The following DDR2 variants were observed in gnomAD, a reference collection of about 807,000 sequenced individuals.
DDR2 encodes discoidin domain receptor tyrosine kinase 2.
Under a neutral mutation model 94.9 loss-of-function variants are expected in DDR2, and 27 were observed. The ratio of observed to expected loss-of-function variants is 0.28; its 90% CI spans 0.21 to 0.39. The LOEUF (loss-of-function observed/expected upper bound fraction) is 0.39. Ranked by LOEUF, DDR2 falls within the 10% of genes least tolerant of loss-of-function variation. DDR2 has a pLI of 1.00. For missense variants in DDR2, 783 were observed against 1,076.0 expected, an observed-to-expected ratio of 0.73 and a Z score of 3.81; for synonymous variants, 382 against 377.2, an observed-to-expected ratio of 1.01 and a Z score of -0.15.
intron 12 of DDR2, 27 bp from the exon 13 acceptor site, chr1:162,771,997 G>A (rs367806620): frequency 2.0e-5 from 32 of 1,573,704 alleles, no homozygotes; most frequent in Non-Finnish European, 2.7e-5. Flanking sequence ...TCCACGGAAT[G>A]AGGGCTCGTT....
chr1:162,715,327 A>G (rs1473210635), intron 2 of DDR2, among the ~76,000 whole-genome samples: 1 of 152,202 alleles, frequency 6.6e-6, no homozygotes, highest in Non-Finnish European at 1.5e-5. Context: ...GATCATTTCT[A>G]TATAGAAACA....
At chr1:162,660,449 T>C (rs1193510785) in intron 2 of DDR2, among the ~76,000 whole-genome samples, 3 of 152,156 alleles carry the variant, frequency 2.0e-5, no homozygotes, top group South Asian at 2.1e-4. Flanking sequence ...AGTGAGAGCA[T>C]TGGCATCATC....
chr1:162,755,884 T>C (rs1023147239), intron 7 of DDR2, 115 bp downstream of exon 7: 17 of 909,272 alleles, frequency 1.9e-5, no homozygotes, highest in Non-Finnish European at 2.8e-5. Flanking sequence ...TTAGTTCTTG[T>C]ACAAGGCATT....
intron 2 of DDR2, among the ~76,000 whole-genome samples, chr1:162,693,775 G>T (rs1465336581): frequency 2.6e-5 from 4 of 152,160 alleles, no homozygotes; most frequent in Non-Finnish European, 5.9e-5. Flanking sequence ...GAGGCTGACA[G>T]GTATGTGAAG....
intron 2 of DDR2, among the ~76,000 whole-genome samples, chr1:162,698,897 G>A (rs952067351): frequency 1.3e-5 from 2 of 152,146 alleles, no homozygotes; most frequent in African/African-American, 2.4e-5. Flanking sequence ...AGTCCTTGGG[G>A]TTTTTGAAGA....
chr1:162,686,060 A>T (rs931419584), intron 2 of DDR2, among the ~76,000 whole-genome samples: 6 of 152,074 alleles, frequency 3.9e-5, no homozygotes, highest in African/African-American at 1.4e-4. Flanking sequence ...TAGGTTCTGA[A>T]TAGATATTTA....
At chr1:162,702,344 C>T (rs16843658) in intron 2 of DDR2, among the ~76,000 whole-genome samples, 4,646 of 152,186 alleles carry the variant, frequency 0.031, 122 homozygotes, top group East Asian at 0.15. Context: ...CCATCTTATA[C>T]TGACTATGCA....
At chr1:162,680,100 G>A (rs796934131) in intron 2 of DDR2, among the ~76,000 whole-genome samples, 1 of 152,170 alleles carries the variant, frequency 6.6e-6, no homozygotes, top group African/African-American at 2.4e-5. Flanking sequence ...GTTATTTACT[G>A]TTAATAGTAT....
At chr1:162,652,965 G>A (rs1657775393) in intron 1 of DDR2, among the ~76,000 whole-genome samples, 1 of 152,104 alleles carries the variant, frequency 6.6e-6, no homozygotes, top group Admixed American at 6.5e-5. Context: ...AGTTAGCTGG[G>A]CGTGGTGGCA....
chr1:162,694,674 A>G (rs142384247), intron 2 of DDR2, among the ~76,000 whole-genome samples: 20 of 152,192 alleles, frequency 1.3e-4, no homozygotes, highest in African/African-American at 4.6e-4. Flanking sequence ...AAAGTTTCTG[A>G]TGTTTAGAAA....
intron 2 of DDR2, among the ~76,000 whole-genome samples, chr1:162,671,625 G>C (rs1658847342): frequency 6.6e-6 from 1 of 152,034 alleles, no homozygotes; most frequent in Admixed American, 6.6e-5. Context: ...GCTGCCCCTG[G>C]CTTTGGTTCT....
chr1:162,763,114 G>A (rs1379171457), intron 9 of DDR2, among the ~76,000 whole-genome samples: 1 of 151,892 alleles, frequency 6.6e-6, no homozygotes, highest in Non-Finnish European at 1.5e-5. Flanking sequence ...TGGGATTACA[G>A]GCATGAGCCA....
At chr1:162,768,822 GA>G (rs1156721118) in intron 11 of DDR2, among the ~76,000 whole-genome samples, 1 of 152,208 alleles carries the variant, frequency 6.6e-6, no homozygotes, top group Non-Finnish European at 1.5e-5. Flanking sequence ...ACAGAAGACT[GA>G]AATACAGAAT....
At chr1:162,757,285 A>G (rs1018086034) in intron 7 of DDR2, among the ~76,000 whole-genome samples, 1 of 152,244 alleles carries the variant, frequency 6.6e-6, no homozygotes, top group Non-Finnish European at 1.5e-5. Context: ...TGACTGAAGG[A>G]CCAGTAAAGA....
Position 162,770,419 on chromosome 1 carries a change from T to G in DDR2, c.1411T>G (p.Tyr471Asp), listed in dbSNP as rs2102181193. 6.2e-7 allele frequency: 1 copy of G among 1,614,052 alleles called. No individual in the cohort carries two copies. ...TAGTGAACAAGGGTCCAACTCGACT[T>G]ACGATCGCATCTTTCCCCTTCGCCC... ...SPSEQGSNST[Y>D]DRIFPLRPDY... The change falls in exon 12 of 18, where the codon TAC becomes GAC. Residue 471 changes from tyrosine to aspartate, a missense_variant. Transcript: ENST00000367921.
chr1:162,647,836 G>A (rs551763728), intron 1 of DDR2, among the ~76,000 whole-genome samples: 2 of 152,278 alleles, frequency 1.3e-5, no homozygotes, highest in South Asian at 4.1e-4. Context: ...GATTTGGTAG[G>A]TTTCTTTACT....
chr1:162,718,440 A>G (rs192656158), intron 2 of DDR2, among the ~76,000 whole-genome samples: 3 of 152,334 alleles, frequency 2.0e-5, no homozygotes, highest in East Asian at 1.9e-4. Flanking sequence ...ACACATATCT[A>G]TAAATATTTC....
chr1:162,656,833 G>GTTTTGTTTTTTTTTTTTTT (rs1558008740), intron 2 of DDR2, among the ~76,000 whole-genome samples: 2 of 65,682 alleles, frequency 3.0e-5, no homozygotes, highest in Non-Finnish European at 6.0e-5. Flanking sequence ...TGCCACTGGA[G>GTTTTGTTTTTTTTTTTTTT]TTTTTTTTTT....
chr1:162,655,782 T>C (rs1214333621), intron 2 of DDR2, among the ~76,000 whole-genome samples: 1 of 152,180 alleles, frequency 6.6e-6, no homozygotes, highest in Non-Finnish European at 1.5e-5. Context: ...TTTTATTTTT[T>C]ATTTTTAACA....
Sources: allele counts gnomAD v4.1 joint callset (sites outside exome capture counted in the v4.1 genomes callset), GRCh38; gene constraint gnomAD v4.1.1; transcripts MANE v1.5; gene names NCBI Gene and HGNC (gene_info 2026-07-23, HGNC 2026-07-21).